The following PLCB4 variants were observed in gnomAD, a reference collection of about 807,000 sequenced individuals.
The protein encoded by PLCB4 is 1-phosphatidylinositol 4,5-bisphosphate phosphodiesterase beta-4.
PLCB4 carries 77 observed loss-of-function variants against 178.8 expected under a neutral mutation model. The observed-to-expected ratio is 0.43, with a 90% confidence interval of 0.36 to 0.52. The LOEUF is 0.52. Among genes scored for constraint, PLCB4 ranks in the 20% least tolerant of loss-of-function variants. The pLI, the probability that PLCB4 is intolerant of heterozygous loss-of-function variation, is 0.00. For missense variants in PLCB4, 1,024 were observed against 1,453.4 expected, an observed-to-expected ratio of 0.70 and a Z score of 4.80; for synonymous variants, 496 against 490.8, an observed-to-expected ratio of 1.01 and a Z score of -0.14.
intron 2 of PLCB4, among the ~76,000 whole-genome samples, chr20:9,161,194 T>C (rs1378714249): frequency 1.3e-5 from 2 of 152,202 alleles, no homozygotes; most frequent in Admixed American, 1.3e-4. Flanking sequence ...CATAAACAGC[T>C]GGTACATAAT....
chr20:9,170,765 A>C (rs1423824131), intron 2 of PLCB4, among the ~76,000 whole-genome samples: 2 of 152,180 alleles, frequency 1.3e-5, no homozygotes, highest in African/African-American at 4.8e-5. Flanking sequence ...ATCTGCCCTG[A>C]TGTGGGTTCA....
chr20:9,093,072 TACTTCATTCATTC>T (rs1247119751), intron 1 of PLCB4, among the ~76,000 whole-genome samples: 2 of 152,214 alleles, frequency 1.3e-5, no homozygotes, highest in Non-Finnish European at 2.9e-5. Context: ...TATTAGATGC[TACTTCATTCATTC>T]ACTTATTTGA....
intron 4 of PLCB4, among the ~76,000 whole-genome samples, chr20:9,331,746 A>G (rs575860364): frequency 1.3e-5 from 2 of 152,338 alleles, no homozygotes; most frequent in East Asian, 1.9e-4. Context: ...GTGAGGGAAA[A>G]TATACTAAAA....
chr20:9,296,203 G>C (rs544961288), intron 3 of PLCB4, among the ~76,000 whole-genome samples: 1 of 152,192 alleles, frequency 6.6e-6, no homozygotes, highest in East Asian at 1.9e-4. Context: ...CGAAGGATGT[G>C]AACAGACACT....
At chr20:9,315,593 G>A (rs2094889703) in intron 4 of PLCB4, among the ~76,000 whole-genome samples, 1 of 152,136 alleles carries the variant, frequency 6.6e-6, no homozygotes, top group Non-Finnish European at 1.5e-5. Context: ...GTCAGGGCAG[G>A]CCCTATTCAG....
intron 2 of PLCB4, among the ~76,000 whole-genome samples, chr20:9,165,151 A>G (rs990452354): frequency 6.6e-6 from 1 of 152,188 alleles, no homozygotes; most frequent in Non-Finnish European, 1.5e-5. Flanking sequence ...CGTGCCCGCT[A>G]TAGCAACTGC....
chr20:9,305,967 G>A (rs73897356), intron 3 of PLCB4, among the ~76,000 whole-genome samples: 1,740 of 152,184 alleles, frequency 0.011, 28 homozygotes, highest in African/African-American at 0.04. Context: ...ATTTGGGGGT[G>A]TATATCTTTT....
At chr20:9,466,477 A>G (rs752551907) in intron 35 of PLCB4, among the ~76,000 whole-genome samples, 1 of 152,206 alleles carries the variant, frequency 6.6e-6, no homozygotes, top group Non-Finnish European at 1.5e-5. Flanking sequence ...AAAAGAAACT[A>G]CCATTAGAGT....
At chr20:9,228,651 G>A (rs2147336365) in intron 3 of PLCB4, among the ~76,000 whole-genome samples, 1 of 152,162 alleles carries the variant, frequency 6.6e-6, no homozygotes, top group East Asian at 1.9e-4. Context: ...ATTAGAAGTA[G>A]GTACATATGT....
Position 9,435,552 on chromosome 20 carries a change from T to TC in PLCB4, c.2525-4dup, listed in dbSNP as rs1568829419. ...ATTAACGGCTCATTGGGTTTTTTTTTCCCCTAGATATCGTGGATGCTTTAT... is the reference window on the plus strand; with the variant it reads ...ATTAACGGCTCATTGGGTTTTTTTTTCCCCCTAGATATCGTGGATGCTTTAT... On this transcript the variant is annotated splice_polypyrimidine_tract_variant and splice_region_variant and intron_variant, in intron 28 of 39. Coordinates refer to ENST00000378473, the MANE Select transcript of PLCB4 (RefSeq NM_001377142.1). 3.2e-6 allele frequency: 5 copies of TC among 1,543,118 alleles called. No homozygotes were observed. In the East Asian group the frequency reaches 6.7e-5, roughly 21 times the overall value.
chr20:9,355,540 C>T (rs1602062179), intron 7 of PLCB4, among the ~76,000 whole-genome samples: 2 of 151,838 alleles, frequency 1.3e-5, no homozygotes, highest in African/African-American at 2.4e-5. Context: ...TGAGAACATT[C>T]GGTGTTTGGT....
Position 9,277,604 on chromosome 20 carries a change from G to T in PLCB4, c.-15-30196G>T, listed in dbSNP as rs142552496. ...GTTACAAAACGGTAACTGCTGGTTA[G>T]AGTCTTAATAGTTGATAAGTGTCAG... On this transcript the variant is annotated intron_variant, in intron 3 of 39. Transcript: ENST00000378473. 1.0e-3 allele frequency among the ~76,000 whole-genome samples: 157 copies of T among 152,130 alleles called. 5 individuals carry two copies. Among genetic ancestry groups the T allele is most frequent in the Admixed American group, 7.5e-3 (114 of 15,260 alleles).
At chr20:9,354,435 T>C (rs2034607564) in intron 7 of PLCB4, among the ~76,000 whole-genome samples, 1 of 152,208 alleles carries the variant, frequency 6.6e-6, no homozygotes, top group Non-Finnish European at 1.5e-5. Flanking sequence ...GGTGCTCTGA[T>C]ACTAGCCTCC....
At chr20:9,198,723 C>T (rs1333581952) in intron 2 of PLCB4, among the ~76,000 whole-genome samples, 1 of 152,144 alleles carries the variant, frequency 6.6e-6, no homozygotes, top group African/African-American at 2.4e-5. Context: ...TTTTTGGTCA[C>T]TCACTTGTCC....
intron 2 of PLCB4, among the ~76,000 whole-genome samples, chr20:9,164,843 G>A (rs952516226): frequency 6.6e-6 from 1 of 152,156 alleles, no homozygotes; most frequent in Non-Finnish European, 1.5e-5. Flanking sequence ...GGAACTGCAG[G>A]ATGCTAGGAC....
At chr20:9,097,316 G>A (rs1472897502) in intron 2 of PLCB4, among the ~76,000 whole-genome samples, 1 of 144,580 alleles carries the variant, frequency 6.9e-6, no homozygotes, top group Admixed American at 7.2e-5. Flanking sequence ...GAAAGGTGTA[G>A]TTGGGGACTT....
chr20:9,364,388 G>A (rs1340581402), intron 8 of PLCB4, among the ~76,000 whole-genome samples: 1 of 152,096 alleles, frequency 6.6e-6, no homozygotes, highest in Non-Finnish European at 1.5e-5. Context: ...CATGAGAATG[G>A]GCTCACCAAG....
intron 34 of PLCB4, 50 bp downstream of exon 34, chr20:9,457,539 A>T: frequency 2.3e-6 from 2 of 879,120 alleles, no homozygotes. Flanking sequence ...GACACTTTGT[A>T]ATTTTTTAGA....
rs117594831 is a variant in PLCB4 at position 9,161,476 on chromosome 20, C to T, written c.-78-55914C>T. Among the ~76,000 whole-genome samples the T allele has an allele frequency of 5.1e-3, 783 of 152,296 alleles. 11 individuals are homozygous for T. The highest frequency in any genetic ancestry group is 0.038 in the Admixed American group (586 of 15,292). On this transcript the variant is annotated intron_variant, in intron 2 of 39. Coordinates refer to ENST00000378473, the MANE Select transcript of PLCB4 (RefSeq NM_001377142.1). ...AACCCAGGTTTGTTGGAGTGCAATC[C>T]GCTGCTCTTACCTACCATGTTGTGC...
Sources: gnomAD v4.1 joint callset for allele counts (sites outside exome capture counted in the v4.1 genomes callset) on GRCh38, gnomAD v4.1.1 for gene constraint, MANE v1.5 for transcripts, NCBI Gene and HGNC (gene_info 2026-07-23, HGNC 2026-07-21) for gene names.